Variants in ADGRF5 observed in about 807,000 individuals in gnomAD.
ADGRF5 encodes the protein adhesion G protein-coupled receptor F5, also known as G-protein coupled receptor 116.
A neutral mutation model predicts 132.3 loss-of-function variants in ADGRF5; 75 were observed. The observed-to-expected ratio is 0.57, with a 90% CI of 0.47 to 0.69. The LOEUF (loss-of-function observed/expected upper bound fraction) is 0.69. ADGRF5 is among the 30% of genes least tolerant of loss of function. The pLI is 0.00. For missense variants in ADGRF5, 1,516 were observed against 1,630.6 expected (o/e 0.93, Z 1.21); for synonymous variants, 629 against 597.6 (o/e 1.05, Z -0.77).
At chr6:46,884,410 C>T in intron 4 of ADGRF5, 139 bp from the exon 5 acceptor site, 1 of 643,844 alleles carries the variant, frequency 1.6e-6, no homozygotes, top group Non-Finnish European at 2.7e-6. Context: ...TTCAATAGCA[C>T]TGCATAAAAT....
chr6:46,920,198 G>A (rs1404689792), intron 1 of ADGRF5, among the ~76,000 whole-genome samples: 2 of 152,088 alleles, frequency 1.3e-5, no homozygotes, highest in Non-Finnish European at 2.9e-5. Flanking sequence ...CAAGGGAAAA[G>A]CCCAAACCAC....
In ADGRF5 at chr6:46,881,543, C is replaced by G; in HGVS notation, c.726G>C (p.Glu242Asp). ...YEVKTTPPSL[E>D]LIHKANEQVV... ...CTTGTTCATTGGCTTTATGTATTAA[C>G]TCAAGTGATGGTGGTGTAGTCTTGA... is the stretch of plus-strand genomic sequence containing the variant. Residue 242 changes from glutamate (E) to aspartate (D), a missense_variant, in exon 8 of 21, where the codon GAG (glutamate) becomes GAC (aspartate). Transcript: ENST00000283296. The G allele has an allele frequency of 6.2e-7, 1 of 1,613,506 alleles. No homozygotes were observed. Among genetic ancestry groups the G allele is most frequent in the Non-Finnish European group, 8.5e-7 (1 of 1,179,436 alleles).
At chr6:46,943,848 C>A (rs112622355) in intron 1 of ADGRF5, among the ~76,000 whole-genome samples, 1 of 152,124 alleles carries the variant, frequency 6.6e-6, no homozygotes, top group Non-Finnish European at 1.5e-5. Flanking sequence ...AAGGATGGTA[C>A]AAAGCGATAC....
At chr6:46,854,373 C>T (rs1403527703) in intron 20 of ADGRF5, among the ~76,000 whole-genome samples, 1 of 152,238 alleles carries the variant, frequency 6.6e-6, no homozygotes, top group Non-Finnish European at 1.5e-5. Context: ...CATGCCATCA[C>T]ATGCATGGTC....
chr6:46,950,534 G>A (rs1778460006), intron 1 of ADGRF5, among the ~76,000 whole-genome samples: 1 of 151,938 alleles, frequency 6.6e-6, no homozygotes, highest in African/African-American at 2.4e-5. Flanking sequence ...GTTTTGTTTT[G>A]AGACAGAGTC....
At chr6:46,941,371 G>T (rs973170828) in intron 1 of ADGRF5, among the ~76,000 whole-genome samples, 5 of 137,400 alleles carry the variant, frequency 3.6e-5, no homozygotes. Context: ...AAGGTGGAGG[G>T]AGAGAAAGAA....
intron 15 of ADGRF5, among the ~76,000 whole-genome samples, chr6:46,862,540 T>C (rs949084625): frequency 6.6e-6 from 1 of 151,920 alleles, no homozygotes; most frequent in African/African-American, 2.4e-5. Context: ...ATTATAGCAA[T>C]TTTCTTGGTA....
At position 46,901,692 on chromosome 6, in the gene ADGRF5, G is replaced by A. The variant is rs958147237; in HGVS notation, c.103-1609C>T. Among the ~76,000 whole-genome samples the A allele has an allele frequency of 5.9e-5, 9 of 151,952 alleles. No individual in the cohort carries two copies. In the South Asian group the frequency reaches 6.2e-4, roughly 10 times the overall value. ...AGCTCCAGAGTCTGCACTTGTCCACGCAGGCACTGCATCATCTTATCAGCA... is the reference window on the plus strand; with the variant it reads ...AGCTCCAGAGTCTGCACTTGTCCACACAGGCACTGCATCATCTTATCAGCA... On this transcript the variant is annotated intron_variant, in intron 2 of 20. Transcript: ENST00000283296.
chr6:46,936,074 G>T (rs1777808794), intron 1 of ADGRF5, among the ~76,000 whole-genome samples: 2 of 152,174 alleles, frequency 1.3e-5, no homozygotes, highest in South Asian at 4.1e-4. Flanking sequence ...AATCCTTATG[G>T]CTCCTACTGT....
At chr6:46,897,994 G>A (rs992275022) in intron 3 of ADGRF5, among the ~76,000 whole-genome samples, 1 of 152,132 alleles carries the variant, frequency 6.6e-6, no homozygotes, top group Non-Finnish European at 1.5e-5. Context: ...CTTCCCAAAT[G>A]ACTCTAGAGG....
At chr6:46,866,374 C>T (rs1377318602) in intron 13 of ADGRF5, among the ~76,000 whole-genome samples, 1 of 152,060 alleles carries the variant, frequency 6.6e-6, no homozygotes, top group Non-Finnish European at 1.5e-5. Flanking sequence ...GTGTGAGTGA[C>T]CCATTGTGTG....
rs1770261723 is a variant in ADGRF5, at chr6:46,865,077, A to G, written c.1955T>C (p.Val652Ala). Residue 652 changes from valine to alanine, a missense_variant, in exon 14 of 21, where the codon GTC (valine) becomes GCC (alanine). Around this residue, in one of 2 missense-constraint regions of ADGRF5, gnomAD observed 945 missense variants for 929.4 expected, o/e 1.02. Coordinates refer to ENST00000283296, the MANE Select transcript of ADGRF5 (RefSeq NM_001098518.2). The stretch of plus-strand genomic sequence containing the variant: ...ATTCAGCTTCATAGATGGGCTCCAG[A>G]CTGAATTATTAGCAGCATTGGTAAA... ...CHFTNAANNS[V>A]WSPSMKLNLV... is the part of the protein sequence containing the mutation. The G allele has an allele frequency of 6.2e-7, 1 of 1,610,186 alleles. No homozygotes were observed. Among genetic ancestry groups the G allele is most frequent in the South Asian group, 1.1e-5 (1 of 90,812 alleles).
chr6:46,856,675 A>G lies in ADGRF5; in HGVS notation c.3876+43T>C, dbSNP rs538308116. 1.0e-5 allele frequency: 11 copies of G among 1,083,516 alleles called. No individual in the cohort carries two copies. The Admixed American group carries it at 1.8e-4, about 17-fold the overall frequency. 67.1% of individuals were successfully genotyped at this position (1,083,516 alleles called of 1,614,324 possible). Reference sequence around the variant, plus strand: ...GTACTTCAGAATGCTAGTGGAATACATGATGTTATAAAATGAAAAGTCTCT... The same window carrying G: ...GTACTTCAGAATGCTAGTGGAATACGTGATGTTATAAAATGAAAAGTCTCT... On this transcript the variant is annotated intron_variant, in intron 19 of 20. Coordinates refer to ENST00000283296, the MANE Select transcript of ADGRF5 (RefSeq NM_001098518.2).
rs563867261 is a variant in ADGRF5 at position 46,862,181 on chromosome 6, G to T, written c.2199+707C>A. Among the ~76,000 whole-genome samples the T allele has an allele frequency of 1.4e-3, 217 of 152,154 alleles. 1 individual carries two copies. The highest frequency in any genetic ancestry group is 5.1e-3 in the African/African-American group (213 of 41,504). On this transcript the variant is annotated intron_variant, in intron 15 of 20. Coordinates refer to ENST00000283296, the MANE Select transcript of ADGRF5 (RefSeq NM_001098518.2). Reference sequence around the variant, plus strand: ...CTTTTTTTCAATTATTTACCCAGTGGTGAGAGGATTTGGAATTGGTTGTCT... The same window carrying T: ...CTTTTTTTCAATTATTTACCCAGTGTTGAGAGGATTTGGAATTGGTTGTCT...
intron 3 of ADGRF5, among the ~76,000 whole-genome samples, chr6:46,892,089 GA>G (rs1773702562): frequency 6.6e-6 from 1 of 150,848 alleles, no homozygotes; most frequent in Non-Finnish European, 1.5e-5. Context: ...CTTACTCTCG[GA>G]AATCATCTAC....
Position 46,871,953 on chromosome 6 carries a change from G to A in ADGRF5, c.1301C>T (p.Thr434Ile). ...TCCAGACGACCCGCTTGGGCACTGGGTTCCATCAGCCTTGAGGGTGTATCT... is the reference window on the plus strand; with the variant it reads ...TCCAGACGACCCGCTTGGGCACTGGATTCCATCAGCCTTGAGGGTGTATCT... ...CSRYTLKADG[T>I]QCPSGSSGTT... Residue 434 changes from threonine (T) to isoleucine (I), a missense_variant, in exon 11 of 21, where the codon ACC becomes ATC. By Grantham distance (89) the Thr-to-Ile change is moderately conservative. Transcript: ENST00000283296. 8.1e-6 allele frequency: 13 copies of A among 1,613,304 alleles called. No homozygotes were observed. Among genetic ancestry groups the A allele is most frequent in the Non-Finnish European group, 1.1e-5 (13 of 1,179,424 alleles).
At chr6:46,897,973 A>G (rs1194983111) in intron 3 of ADGRF5, among the ~76,000 whole-genome samples, 3 of 152,224 alleles carry the variant, frequency 2.0e-5, no homozygotes, top group African/African-American at 4.8e-5. Flanking sequence ...TGATGGGTTG[A>G]TTCATTAACA....
chr6:46,868,908 G>C lies in ADGRF5; in HGVS notation c.1596C>G (p.Val532=), dbSNP rs756139123. 6.2e-7 allele frequency: 1 copy of C among 1,612,206 alleles called. No homozygotes were observed. Among genetic ancestry groups the C allele is most frequent in the East Asian group, 2.2e-5 (1 of 44,854 alleles). Reference sequence around the variant, plus strand: ...CATTCCACTCCCTGGTCGAGGTCTTGACTGTCAGTACTGATTCTGCTCCAT... The same window carrying C: ...CATTCCACTCCCTGGTCGAGGTCTTCACTGTCAGTACTGATTCTGCTCCAT... ...YLDGAESVLT[V]KTSTREWNGT... Residue 532 remains valine (V), a synonymous_variant, in exon 12 of 21, where the codon GTC becomes GTG. Transcript: ENST00000283296.
intron 15 of ADGRF5, among the ~76,000 whole-genome samples, chr6:46,861,537 G>A (rs576650740): frequency 5.9e-5 from 9 of 152,258 alleles, no homozygotes; most frequent in African/African-American, 1.4e-4. Flanking sequence ...CTCTGAATGC[G>A]TAAGTATTGG....
Sources: gnomAD v4.1 joint callset for allele counts (sites outside exome capture counted in the v4.1 genomes callset) on GRCh38, gnomAD v4.1.1 for gene constraint, gnomAD v4.1.1 regional missense constraint, MANE v1.5 for transcripts, NCBI Gene and HGNC (gene_info 2026-07-23, HGNC 2026-07-21) for gene names.